FGGY: variants seen among roughly 807,000 people sequenced by gnomAD.
FGGY encodes FGGY carbohydrate kinase domain containing.
In FGGY, 72 loss-of-function variants were observed where a neutral mutation model predicts 71.3. The observed-to-expected ratio is 1.01, with a 90% CI of 0.84 to 1.23. The LOEUF (loss-of-function observed/expected upper bound fraction) is 1.23. FGGY is among the 50% of genes most tolerant of loss of function. The pLI, the probability that FGGY is intolerant of heterozygous loss-of-function variation, is 0.00. For synonymous variants in FGGY, 251 were observed against 250.3 expected, an observed-to-expected ratio of 1.00 and a Z score of -0.02; for missense variants, 668 against 682.3, an observed-to-expected ratio of 0.98 and a Z score of 0.23.
At chr1:59,664,109 C>A (rs868382316) in intron 12 of FGGY, among the ~76,000 whole-genome samples, 12 of 152,232 alleles carry the variant, frequency 7.9e-5, no homozygotes, top group African/African-American at 2.9e-4. Context: ...GTTTTCTTTG[C>A]AGAACAGACC....
intron 6 of FGGY, among the ~76,000 whole-genome samples, chr1:59,462,564 C>T (rs1187588126): frequency 1.9e-4 from 29 of 152,160 alleles, no homozygotes; most frequent in Non-Finnish European, 3.8e-4. Flanking sequence ...ACTTATCTGA[C>T]AAGGGCTAAT....
intron 6 of FGGY, among the ~76,000 whole-genome samples, chr1:59,504,441 C>A (rs1233339196): frequency 1.3e-5 from 2 of 152,092 alleles, no homozygotes; most frequent in Non-Finnish European, 2.9e-5. Flanking sequence ...GGGACTGAGC[C>A]TTCAATCTGT....
intron 9 of FGGY, among the ~76,000 whole-genome samples, chr1:59,625,783 A>T (rs1318447978): frequency 6.6e-6 from 1 of 152,012 alleles, no homozygotes; most frequent in Non-Finnish European, 1.5e-5. Flanking sequence ...TCTTTGTTTT[A>T]TGTATTTAAG....
At chr1:59,718,281 A>G (rs1341093822) in intron 14 of FGGY, among the ~76,000 whole-genome samples, 2 of 152,220 alleles carry the variant, frequency 1.3e-5, no homozygotes, top group African/African-American at 4.8e-5. Flanking sequence ...GCATTTTACA[A>G]CCATAAACCT....
At chr1:59,722,546 T>C (rs949907579) in intron 14 of FGGY, among the ~76,000 whole-genome samples, 1 of 152,222 alleles carries the variant, frequency 6.6e-6, no homozygotes, top group Non-Finnish European at 1.5e-5. Context: ...CATACATATT[T>C]ATATTTTTGG....
At chr1:59,334,928 C>G (rs1429287806) in intron 2 of FGGY, among the ~76,000 whole-genome samples, 1 of 152,114 alleles carries the variant, frequency 6.6e-6, no homozygotes, top group Non-Finnish European at 1.5e-5. Flanking sequence ...AGTGTAAAAT[C>G]TATATCCTCC....
chr1:59,439,565 G>A (rs1325576570), intron 5 of FGGY, among the ~76,000 whole-genome samples: 2 of 152,112 alleles, frequency 1.3e-5, no homozygotes, highest in Non-Finnish European at 2.9e-5. Context: ...AAAGAAGACT[G>A]TCATCTTTTC....
intron 6 of FGGY, among the ~76,000 whole-genome samples, chr1:59,457,894 T>G (rs1284493037): frequency 2.9e-4 from 44 of 152,196 alleles, no homozygotes; most frequent in Admixed American, 2.9e-3. Flanking sequence ...ATGTGGGTGG[T>G]AAAGTACATC....
chr1:59,504,468 T>C (rs1030026115), intron 6 of FGGY, among the ~76,000 whole-genome samples: 1 of 152,136 alleles, frequency 6.6e-6, no homozygotes, highest in African/African-American at 2.4e-5. Context: ...TGATGCAATC[T>C]CCAAGTAGAT....
chr1:59,448,983 A>G (rs1297486999), intron 5 of FGGY, among the ~76,000 whole-genome samples: 1 of 152,114 alleles, frequency 6.6e-6, no homozygotes, highest in Non-Finnish European at 1.5e-5. Context: ...AGGCAAACCT[A>G]TAAAACAGGG....
intron 2 of FGGY, among the ~76,000 whole-genome samples, chr1:59,333,520 A>G (rs998233793): frequency 3.9e-5 from 6 of 152,234 alleles, no homozygotes; most frequent in African/African-American, 1.2e-4. Flanking sequence ...ACAAAGTTAT[A>G]TAACTCGGAA....
chr1:59,302,755 A>G (rs150301171), intron 1 of FGGY, among the ~76,000 whole-genome samples: 1 of 152,342 alleles, frequency 6.6e-6, no homozygotes, highest in African/African-American at 2.4e-5. Context: ...TAAAGTATTT[A>G]AATAAAATTG....
At chr1:59,629,134 G>A (rs1398598309) in intron 10 of FGGY, among the ~76,000 whole-genome samples, 3 of 152,032 alleles carry the variant, frequency 2.0e-5, no homozygotes, top group Admixed American at 1.3e-4. Context: ...GTTAACGGGT[G>A]CAGCAAACCA....
At chr1:59,753,606 A>T (rs2098265911) in intron 14 of FGGY, among the ~76,000 whole-genome samples, 1 of 149,476 alleles carries the variant, frequency 6.7e-6, no homozygotes, top group Non-Finnish European at 1.5e-5. Flanking sequence ...AGAAAAAAAA[A>T]TTGTTACCCA....
Position 59,744,184 on chromosome 1 carries a change from G to C in FGGY, c.1513-13747G>C, listed in dbSNP as rs142787589. Among the ~76,000 whole-genome samples, 54 of 152,292 alleles carry C rather than the reference G, an allele frequency of 3.5e-4. No homozygotes were observed. The East Asian group carries it at 0.01, about 28-fold the overall frequency. On this transcript the variant is annotated intron_variant, in intron 14 of 15. Transcript: ENST00000303721. ...TTTCTATTACTTCTATTTTACAGATGAGTAAACTGAGGGACAAAGAGGTTA... is the reference window on the plus strand; with the variant it reads ...TTTCTATTACTTCTATTTTACAGATCAGTAAACTGAGGGACAAAGAGGTTA...
At chr1:59,536,292 C>A (rs558714853) in intron 7 of FGGY, among the ~76,000 whole-genome samples, 1 of 152,142 alleles carries the variant, frequency 6.6e-6, no homozygotes, top group South Asian at 2.1e-4. Context: ...GAAGTTGAAT[C>A]TCTGAATAGA....
At chr1:59,299,700 G>A (rs958995023) in intron 1 of FGGY, among the ~76,000 whole-genome samples, 1 of 152,022 alleles carries the variant, frequency 6.6e-6, no homozygotes. Context: ...GACAAGGGTG[G>A]GGGGGCGGGT....
intron 12 of FGGY, among the ~76,000 whole-genome samples, chr1:59,664,856 A>G (rs2097309483): frequency 6.6e-6 from 1 of 152,162 alleles, no homozygotes; most frequent in Non-Finnish European, 1.5e-5. Flanking sequence ...CTAAGACCAC[A>G]TTTTTAATTT....
chr1:59,586,341 G>C (rs1325310860), intron 8 of FGGY, among the ~76,000 whole-genome samples: 1 of 151,956 alleles, frequency 6.6e-6, no homozygotes, highest in East Asian at 1.9e-4. Flanking sequence ...TAAAAAATGA[G>C]TTCATGTCCT....
Sources: gnomAD v4.1 joint callset for allele counts (sites outside exome capture counted in the v4.1 genomes callset) on GRCh38, gnomAD v4.1.1 for gene constraint, MANE v1.5 for transcripts, NCBI Gene and HGNC (gene_info 2026-07-23, HGNC 2026-07-21) for gene names.